The following BCL7C variants were observed in gnomAD, a reference collection of about 807,000 sequenced individuals.
The protein encoded by BCL7C is BAF chromatin remodeling complex subunit BCL7C, also known as B-cell CLL/lymphoma 7 protein family member C.
In BCL7C, 8 loss-of-function variants were observed where a neutral mutation model predicts 26.2. The observed-to-expected ratio is 0.30, with a 90% CI of 0.18 to 0.55. The LOEUF (loss-of-function observed/expected upper bound fraction) is 0.55, where lower values mean the gene tolerates loss of function less well. Among genes scored for constraint, BCL7C ranks in the 20% least tolerant of loss-of-function variants. The pLI, the probability that BCL7C is intolerant of heterozygous loss-of-function variation, is 0.93. For synonymous variants in BCL7C, 90 were observed against 116.5 expected, an observed-to-expected ratio of 0.77 and a Z score of 1.47; for missense variants, 262 against 298.5, an observed-to-expected ratio of 0.88 and a Z score of 0.90.
chr16:30,877,496 G>A (rs1215517960), intron 5 of BCL7C, among the ~76,000 whole-genome samples: 1 of 149,458 alleles, frequency 6.7e-6, no homozygotes, highest in Non-Finnish European at 1.5e-5. Context: ...CCCGAGTGCA[G>A]TGGCACTATC....
At chr16:30,861,709 T>C (rs926573364) in intron 5 of BCL7C, among the ~76,000 whole-genome samples, 7 of 152,072 alleles carry the variant, frequency 4.6e-5, no homozygotes, top group African/African-American at 7.2e-5. Flanking sequence ...GGAGGGTAAC[T>C]CCGTCCCCTT....
At chr16:30,887,656 C>CA, downstream of BCL7C, 3 of 749,824 alleles carry the variant, frequency 4.0e-6, no homozygotes, top group Non-Finnish European at 6.0e-6. Context: ...CTCAAGCCCC[C>CA]ACCCCACTCT....
At chr16:30,877,525 C>T (rs1049791377) in intron 5 of BCL7C, among the ~76,000 whole-genome samples, 4 of 151,818 alleles carry the variant, frequency 2.6e-5, no homozygotes, top group South Asian at 2.1e-4. Flanking sequence ...CTGCAAGCTC[C>T]GCCTCCTGGG....
chr16:30,875,458 G>A (rs1020528286), intron 5 of BCL7C: 1 of 152,320 alleles, frequency 6.6e-6, no homozygotes, highest in Non-Finnish European at 1.5e-5. Flanking sequence ...CTGCGCCGCC[G>A]GCCTTTGTCT....
chr16:30,870,801 C>T (rs1012653911), intron 5 of BCL7C, among the ~76,000 whole-genome samples: 9 of 152,218 alleles, frequency 5.9e-5, no homozygotes, highest in Non-Finnish European at 1.5e-5. Context: ...TTACATGACT[C>T]TCAACTCCAG....
In BCL7C at chr16:30,893,856, C is replaced by A; in HGVS notation, c.89G>T (p.Arg30Ile). Reference protein sequence around the residue: ...KVMATIEKVRRWEKRWVTVGD... With the variant: ...KVMATIEKVRIWEKRWVTVGD... ...CTGGCCCCCGAGCAGCGCTCACCAT[C>A]TCCGGACCTTCTCGATGGTCGCCAT... The change falls in exon 1 of 6, where the codon AGA becomes ATA. Residue 30 changes from arginine to isoleucine, a missense_variant. Physicochemically the swap from Arg to Ile is moderately conservative, Grantham distance 97. Transcript: ENST00000215115. This position sits in a 1 kb window ranked among gnomAD's most constrained non-coding sequence, Gnocchi z 5.2. The A allele has an allele frequency of 6.2e-7, 1 of 1,601,910 alleles. No individual in the cohort carries two copies. The highest frequency in any genetic ancestry group is 8.5e-7 in the Non-Finnish European group (1 of 1,179,060).
chr16:30,880,323 A>G (rs2055023351), intron 5 of BCL7C, among the ~76,000 whole-genome samples: 1 of 151,868 alleles, frequency 6.6e-6, no homozygotes, highest in Non-Finnish European at 1.5e-5. Context: ...GTCTCTGCAA[A>G]AAATACAAAA....
intron 5 of BCL7C, among the ~76,000 whole-genome samples, chr16:30,852,972 T>C (rs2054689497): frequency 6.6e-6 from 1 of 152,020 alleles, no homozygotes; most frequent in Non-Finnish European, 1.5e-5. Context: ...TTTGCTCTTG[T>C]TGCCCAGGCT....
At chr16:30,836,471 C>CTTTTT (rs762842983) in intron 5 of BCL7C, among the ~76,000 whole-genome samples, 1 of 116,956 alleles carries the variant, frequency 8.6e-6, no homozygotes. Context: ...GAGACCCTGT[C>CTTTTT]TTTTTTTTTT....
At chr16:30,843,978 G>A (rs2054617887) in intron 5 of BCL7C, among the ~76,000 whole-genome samples, 1 of 148,522 alleles carries the variant, frequency 6.7e-6, no homozygotes, top group South Asian at 2.1e-4. Context: ...GGAGGCAGAG[G>A]TTGCAGTGAG....
chr16:30,892,561 G>A, intron 4 of BCL7C, 25 bp downstream of exon 4: 1 of 1,531,828 alleles, frequency 6.5e-7, no homozygotes, highest in Non-Finnish European at 8.7e-7. Flanking sequence ...AGAGGAGAGA[G>A]CTCCTGGGAG....
rs751947529 is a variant in BCL7C at position 30,888,024 on chromosome 16, C to G, written c.529-34G>C. 136 of 1,585,096 alleles carry G rather than the reference C, an allele frequency of 8.6e-5. 1 individual carries two copies. Among genetic ancestry groups the G allele is most frequent in the Non-Finnish European group, 1.1e-4 (129 of 1,167,846 alleles). On this transcript the variant is annotated intron_variant, in intron 5 of 5. Coordinates refer to ENST00000215115, the MANE Select transcript of BCL7C (RefSeq NM_004765.4). The stretch of plus-strand genomic sequence containing the variant: ...GAAGGGTGGACAGGCGTGAGCTCCA[C>G]AGAACCCAGGCGTCCAGCCTCTGAG...
intron 5 of BCL7C, among the ~76,000 whole-genome samples, chr16:30,857,362 T>A (rs2054731715): frequency 7.6e-6 from 1 of 131,272 alleles, no homozygotes. Context: ...TACTCCAGCC[T>A]GGGTGACAGA....
chr16:30,848,631 T>C (rs374001607), intron 5 of BCL7C, among the ~76,000 whole-genome samples: 1 of 152,294 alleles, frequency 6.6e-6, no homozygotes, highest in East Asian at 1.9e-4. Context: ...GACTCACACC[T>C]GTAATCCCAG....
intron 5 of BCL7C, among the ~76,000 whole-genome samples, chr16:30,853,329 G>A (rs781154353): frequency 4.8e-4 from 73 of 151,960 alleles, no homozygotes; most frequent in Non-Finnish European, 8.7e-4. Context: ...CACCAGCCTA[G>A]GCCTACACTA....
At chr16:30,867,030 GA>G (rs1353016198) in intron 5 of BCL7C, among the ~76,000 whole-genome samples, 1 of 152,204 alleles carries the variant, frequency 6.6e-6, no homozygotes, top group Non-Finnish European at 1.5e-5. Flanking sequence ...CTCCATCCTG[GA>G]TGACAGGGAG....
In BCL7C at chr16:30,869,552, C is replaced by G. The variant is rs375816407; in HGVS notation, c.528+19308G>C. On this transcript the variant is annotated intron_variant, in intron 5 of 5. Coordinates refer to the BCL7C transcript ENST00000380317. ...AAAGAGACGGGGTCTCGCTCTGTTG[C>G]CCAGGCTGGAGTGCAGTGTCACGAT... Among the ~76,000 whole-genome samples, 53 of 151,106 alleles carry G rather than the reference C, an allele frequency of 3.5e-4. No individual in the cohort carries two copies. In the East Asian group the frequency reaches 9.9e-3, roughly 28 times the overall value.
chr16:30,835,977 G>A (rs2054566995), intron 5 of BCL7C, among the ~76,000 whole-genome samples: 1 of 151,880 alleles, frequency 6.6e-6, no homozygotes, highest in Non-Finnish European at 1.5e-5. Context: ...CTGGGGCCAG[G>A]CGTGGTGGCT....
At chr16:30,882,044 T>C (rs935999714) in intron 5 of BCL7C, among the ~76,000 whole-genome samples, 8 of 151,262 alleles carry the variant, frequency 5.3e-5, no homozygotes, top group Non-Finnish European at 8.8e-5. Flanking sequence ...CACTGCAACC[T>C]CCGCCTCCAG....
Sources: gnomAD v4.1 joint callset for allele counts (sites outside exome capture counted in the v4.1 genomes callset) on GRCh38, gnomAD v4.1.1 for gene constraint, Gnocchi (gnomAD v3.1) non-coding constraint, MANE v1.5 for transcripts, NCBI Gene and HGNC (gene_info 2026-07-23, HGNC 2026-07-21) for gene names.